The following KDM4B variants were observed in gnomAD, a reference collection of about 807,000 sequenced individuals.
KDM4B encodes lysine demethylase 4B, also known as lysine-specific demethylase 4B.
In KDM4B, 32 loss-of-function variants were observed where a neutral mutation model predicts 125.2. That is an observed-to-expected ratio of 0.26 (90% CI 0.19 to 0.34). The LOEUF (loss-of-function observed/expected upper bound fraction) is 0.34. Ranked by LOEUF, KDM4B falls within the 10% of genes least tolerant of loss-of-function variation. The pLI is 1.00. For missense variants in KDM4B, 1,190 were observed against 1,577.7 expected, an observed-to-expected ratio of 0.75 and a Z score of 4.16; for synonymous variants, 721 against 677.9, an observed-to-expected ratio of 1.06 and a Z score of -0.99.
At chr19:5,123,488 TA>T (rs2146030728) in intron 11 of KDM4B, among the ~76,000 whole-genome samples, 1 of 152,318 alleles carries the variant, frequency 6.6e-6, no homozygotes, top group Middle Eastern at 3.4e-3. Context: ...GGTCTCATCA[TA>T]ACTCATTCCG....
chr19:5,125,466 A>T (rs2039432833), intron 11 of KDM4B, among the ~76,000 whole-genome samples: 1 of 152,046 alleles, frequency 6.6e-6, no homozygotes, highest in South Asian at 2.1e-4. Flanking sequence ...CGTGGGAGGG[A>T]GGGGAAACCA....
intron 3 of KDM4B, among the ~76,000 whole-genome samples, chr19:5,037,802 G>A (rs577770290): frequency 2.0e-5 from 3 of 152,306 alleles, no homozygotes; most frequent in African/African-American, 7.2e-5. Context: ...GTGTCCCCTG[G>A]GGGACAAGAC....
chr19:5,102,245 C>G (rs2038951493), intron 9 of KDM4B, among the ~76,000 whole-genome samples: 1 of 152,206 alleles, frequency 6.6e-6, no homozygotes, highest in African/African-American at 2.4e-5. Context: ...TGTGTCCTCC[C>G]TAAAGGCACT....
intron 6 of KDM4B, chr19:5,070,639 C>T (rs10417329): frequency 0.038 from 6,575 of 174,072 alleles, 486 homozygotes; most frequent in African/African-American, 0.15. Flanking sequence ...GTTCCAGACT[C>T]GGCCCTCCCA....
At chr19:5,050,322 G>A (rs753446498) in intron 6 of KDM4B, among the ~76,000 whole-genome samples, 3 of 152,226 alleles carry the variant, frequency 2.0e-5, no homozygotes, top group Non-Finnish European at 4.4e-5. Flanking sequence ...TCAGGCAGCG[G>A]GGCTAAGAAT....
intron 10 of KDM4B, among the ~76,000 whole-genome samples, chr19:5,117,427 T>C (rs914420366): frequency 9.2e-5 from 14 of 152,142 alleles, no homozygotes; most frequent in African/African-American, 3.1e-4. Context: ...GCTGGTGCTG[T>C]CTGGGACCAG....
At chr19:5,104,538 T>C (rs2038999734) in intron 9 of KDM4B, among the ~76,000 whole-genome samples, 1 of 151,902 alleles carries the variant, frequency 6.6e-6, no homozygotes, top group Non-Finnish European at 1.5e-5. Context: ...CCTTAAAACA[T>C]GCTTTCAATT....
rs574831608 is a variant in KDM4B at position 5,084,022 on chromosome 19, G to A, written c.918+1518G>A. Among the ~76,000 whole-genome samples the A allele has an allele frequency of 5.9e-5, 9 of 152,130 alleles. No individual in the cohort carries two copies. The South Asian group carries it at 1.7e-3, about 28-fold the overall frequency. On this transcript the variant is annotated intron_variant, in intron 9 of 22. Coordinates refer to ENST00000159111, the MANE Select transcript of KDM4B (RefSeq NM_015015.3). ...AGCACTTTGGGAGGCAGAGGTGGGCGGATCATTTGAGGTCAGGAGTTTGAG... is the reference window on the plus strand; with the variant it reads ...AGCACTTTGGGAGGCAGAGGTGGGCAGATCATTTGAGGTCAGGAGTTTGAG...
Position 5,131,350 on chromosome 19 carries a change from C to T in KDM4B, c.1590C>T (p.Tyr530=), listed in dbSNP as rs200099448. 1.4e-4 allele frequency: 220 copies of T among 1,612,152 alleles called. No homozygotes were observed. The highest frequency in any genetic ancestry group is 1.8e-4 in the East Asian group (8 of 44,736). The change falls in exon 12 of 23, where the codon TAC becomes TAT. Residue 530 remains tyrosine (Y), a synonymous_variant. Coordinates refer to ENST00000159111, the MANE Select transcript of KDM4B (RefSeq NM_015015.3). ...CTCGGCCCATCATCCCCATGCTGTA[C>T]GTGGTGCCGCGGCCGGGCAAGGCAG... ...AKPRPIIPML[Y]VVPRPGKAAF...
At position 5,039,880 on chromosome 19, in the gene KDM4B, C is replaced by T. The variant is rs139663878; in HGVS notation, c.186C>T (p.Asp62=). 4.0e-5 allele frequency: 64 copies of T among 1,613,004 alleles called. No homozygotes were observed. In the African/African-American group the frequency reaches 7.2e-4, roughly 18 times the overall value. ...GGAAGCCGCGGCAGACGTATGATGA[C>T]ATCGACGACGTGGTGATCCCGGCGC... ...KEWKPRQTYD[D]IDDVVIPAPI... The change falls in exon 4 of 23, where the codon GAC becomes GAT. Residue 62 remains aspartate (D), a synonymous_variant. Transcript: ENST00000159111.
rs994852564 is a variant in KDM4B, at chr19:4,997,388, C to G, written c.-108-18869C>G. On this transcript the variant is annotated intron_variant, in intron 1 of 22. Coordinates refer to ENST00000159111, the MANE Select transcript of KDM4B (RefSeq NM_015015.3). The surrounding 1 kb of genome is among the most constrained non-coding windows in gnomAD (Gnocchi z 4.2). ...CAGGAGCGTCGGCCCCTGGCTTCCACTGTGTCCTTCTGTGGTTCATGAGGA... is the reference window on the plus strand; with the variant it reads ...CAGGAGCGTCGGCCCCTGGCTTCCAGTGTGTCCTTCTGTGGTTCATGAGGA... Among the ~76,000 whole-genome samples, 10 of 152,132 alleles carry G rather than the reference C, an allele frequency of 6.6e-5. No individual in the cohort carries two copies. The highest frequency in any genetic ancestry group is 2.4e-4 in the African/African-American group (10 of 41,408).
intron 5 of KDM4B, among the ~76,000 whole-genome samples, chr19:5,042,368 T>C (rs902007820): frequency 3.3e-5 from 5 of 151,898 alleles, no homozygotes; most frequent in Non-Finnish European, 5.9e-5. Flanking sequence ...GGCATGGTGG[T>C]GTGTGCCTGT....
chr19:5,086,439 G>A (rs762630076), intron 9 of KDM4B, among the ~76,000 whole-genome samples: 4 of 152,218 alleles, frequency 2.6e-5, no homozygotes, highest in Admixed American at 6.5e-5. Flanking sequence ...ACAGCCGGAC[G>A]AAACTGAAAT....
chr19:5,033,764 C>T (rs1028007270), intron 3 of KDM4B, among the ~76,000 whole-genome samples: 9 of 152,302 alleles, frequency 5.9e-5, no homozygotes, highest in African/African-American at 1.9e-4. Context: ...CTCTCTCTCT[C>T]GGCATATTGT....
intron 1 of KDM4B, among the ~76,000 whole-genome samples, chr19:5,009,045 G>T (rs1364379052): frequency 6.6e-6 from 1 of 151,486 alleles, no homozygotes; most frequent in Admixed American, 6.6e-5. Context: ...TTCCTGAGTA[G>T]CTGGGACTAC....
chr19:5,089,325 G>A (rs1055156630), intron 9 of KDM4B, among the ~76,000 whole-genome samples: 1 of 152,176 alleles, frequency 6.6e-6, no homozygotes, highest in African/African-American at 2.4e-5. Context: ...GTGGCCTAGC[G>A]GTTCTGTCTC....
At chr19:4,976,713 T>G (rs2034459251) in intron 1 of KDM4B, among the ~76,000 whole-genome samples, 1 of 152,252 alleles carries the variant, frequency 6.6e-6, no homozygotes, top group Non-Finnish European at 1.5e-5. Context: ...GCTTATCCAG[T>G]GCAGAGCTCA....
intron 5 of KDM4B, among the ~76,000 whole-genome samples, chr19:5,042,361 A>G (rs2036844934): frequency 6.6e-6 from 1 of 152,132 alleles, no homozygotes; most frequent in African/African-American, 2.4e-5. Flanking sequence ...TTAGCTGGGC[A>G]TGGTGGTGTG....
At chr19:5,058,641 C>A (rs1042689751) in intron 6 of KDM4B, among the ~76,000 whole-genome samples, 2 of 152,242 alleles carry the variant, frequency 1.3e-5, no homozygotes, top group African/African-American at 4.8e-5. Context: ...GTCTGACCAG[C>A]CCCTGCCTCA....
Sources: gnomAD v4.1 joint callset for allele counts (sites outside exome capture counted in the v4.1 genomes callset) on GRCh38, gnomAD v4.1.1 for gene constraint, Gnocchi (gnomAD v3.1) non-coding constraint, MANE v1.5 for transcripts, NCBI Gene and HGNC (gene_info 2026-07-23, HGNC 2026-07-21) for gene names.